Variants in DAAM1 observed in about 807,000 individuals in gnomAD.
DAAM1 encodes the protein disheveled-associated activator of morphogenesis 1.
In DAAM1, 52 loss-of-function variants were observed where a neutral mutation model predicts 130.0. The observed-to-expected ratio is 0.40, with a 90% CI of 0.32 to 0.50. The LOEUF (loss-of-function observed/expected upper bound fraction) is 0.50. Among genes scored for constraint, DAAM1 ranks in the 20% least tolerant of loss-of-function variants. The pLI is 0.61. For missense variants in DAAM1, 1,134 were observed against 1,303.8 expected, an observed-to-expected ratio of 0.87 and a Z score of 2.01; for synonymous variants, 452 against 444.5, an observed-to-expected ratio of 1.02 and a Z score of -0.21.
chr14:59,293,911 A>C (rs1174611933), intron 3 of DAAM1, among the ~76,000 whole-genome samples: 3 of 152,194 alleles, frequency 2.0e-5, no homozygotes, highest in African/African-American at 7.2e-5. Context: ...CATAGTGGCC[A>C]TCGTTAATAT....
chr14:59,351,997 GA>G (rs965949036), intron 17 of DAAM1, among the ~76,000 whole-genome samples: 348 of 150,536 alleles, frequency 2.3e-3, no homozygotes, highest in African/African-American at 7.6e-3. Flanking sequence ...CATGGAAGGG[GA>G]AAAAAAAAGA....
intron 22 of DAAM1, chr14:59,363,250 C>A (rs1212801448): frequency 1.1e-4 from 19 of 171,808 alleles, no homozygotes; most frequent in Non-Finnish European, 2.5e-5. Context: ...AAAATCAAGG[C>A]ACCACAATTC....
At chr14:59,245,601 T>A (rs549808652) in intron 1 of DAAM1, among the ~76,000 whole-genome samples, 3 of 152,144 alleles carry the variant, frequency 2.0e-5, no homozygotes, top group Admixed American at 2.0e-4. Context: ...GCAAAAAAAA[T>A]ACAATGGATT....
intron 2 of DAAM1, among the ~76,000 whole-genome samples, chr14:59,280,002 T>C (rs1460244323): frequency 6.6e-6 from 1 of 152,184 alleles, no homozygotes; most frequent in East Asian, 1.9e-4. Flanking sequence ...GCACCAGTTG[T>C]CATTAGGAAA....
chr14:59,354,705 C>T (rs773689849), intron 19 of DAAM1, among the ~76,000 whole-genome samples: 14 of 152,340 alleles, frequency 9.2e-5, no homozygotes, highest in South Asian at 6.2e-4. Flanking sequence ...AGGCTGGAAT[C>T]AGGCATCTGC....
rs1369200785 is a variant in DAAM1 at position 59,369,666 on chromosome 14, T to TAACA, written c.*809_*812dup. ...CAACATTGCCAGAGTATGCTTGTTCTAACAATATAGATATATAAACCTTAA... is the reference window on the plus strand; with the variant it reads ...CAACATTGCCAGAGTATGCTTGTTCTAACAAACAATATAGATATATAAACCTTAA... On this transcript the variant is annotated 3_prime_UTR_variant, in exon 25 of 25. Transcript: ENST00000360909. 6.9e-6 allele frequency: 1 copy of TAACA among 145,546 alleles called. No homozygotes were observed. Among genetic ancestry groups the TAACA allele is most frequent in the Admixed American group, 7.2e-5 (1 of 13,976 alleles). The allele number at this position is 145,546 out of a possible 1,614,324, so 9.0% of individuals were successfully genotyped here.
chr14:59,326,950 A>G lies in DAAM1; in HGVS notation c.1331A>G (p.Glu444Gly). Residue 444 changes from glutamate to glycine, a missense_variant, in exon 12 of 25, where the codon GAA becomes GGA. Transcript: ENST00000360909. ...TTACACAGGTTGGTTAATGAAAATGAAGTTAAGCAGTGGAAAGAACAAGCG... is the reference window on the plus strand; with the variant it reads ...TTACACAGGTTGGTTAATGAAAATGGAGTTAAGCAGTGGAAAGAACAAGCG... Reference protein sequence around the residue: ...NVVRMLVNENEVKQWKEQAEK... With the variant: ...NVVRMLVNENGVKQWKEQAEK... 1 of 1,614,052 alleles carries G rather than the reference A, an allele frequency of 6.2e-7. No individual in the cohort carries two copies. Among genetic ancestry groups the G allele is most frequent in the Non-Finnish European group, 8.5e-7 (1 of 1,179,954 alleles).
At chr14:59,350,408 TAC>T (rs920994773) in intron 17 of DAAM1, among the ~76,000 whole-genome samples, 3 of 151,754 alleles carry the variant, frequency 2.0e-5, no homozygotes, top group African/African-American at 7.3e-5. Flanking sequence ...CATACACACC[TAC>T]ACACAGTGTG....
At chr14:59,306,944 A>G (rs926589907) in intron 3 of DAAM1, among the ~76,000 whole-genome samples, 1 of 152,160 alleles carries the variant, frequency 6.6e-6, no homozygotes, top group African/African-American at 2.4e-5. Context: ...CTTGAGCAAG[A>G]GCTTTGGGCC....
intron 4 of DAAM1, among the ~76,000 whole-genome samples, chr14:59,318,419 T>C (rs1884874794): frequency 6.6e-6 from 1 of 150,920 alleles, no homozygotes; most frequent in Non-Finnish European, 1.5e-5. Flanking sequence ...TTTGCCTGCT[T>C]CTCATGTGAG....
At chr14:59,315,171 TC>T (rs1228624268) in intron 3 of DAAM1, 108 bp from the exon 4 acceptor site, 3 of 950,214 alleles carry the variant, frequency 3.2e-6, no homozygotes, top group Non-Finnish European at 5.2e-6. Context: ...CTTCGTGTCT[TC>T]TAAAGGCTTG....
At chr14:59,264,981 T>A (rs2139510177) in intron 2 of DAAM1, 1 of 152,370 alleles carries the variant, frequency 6.6e-6, no homozygotes, top group East Asian at 1.9e-4. Context: ...TCCATCCATG[T>A]TCCTGTAAAG....
intron 2 of DAAM1, among the ~76,000 whole-genome samples, chr14:59,271,279 T>C (rs983127107): frequency 3.3e-5 from 5 of 152,082 alleles, no homozygotes; most frequent in Admixed American, 3.3e-4. Flanking sequence ...AAACCACTAT[T>C]TATACTACCG....
In DAAM1 at chr14:59,369,627, C is replaced by CT. The variant is rs3842328; in HGVS notation, c.*775dup. The CT allele has an allele frequency of 6.6e-6, 1 of 151,844 alleles. No homozygotes were observed. The highest frequency in any genetic ancestry group is 1.5e-5 in the Non-Finnish European group (1 of 67,832). 9.4% of individuals were successfully genotyped at this position (151,844 alleles called of 1,614,324 possible). On this transcript the variant is annotated 3_prime_UTR_variant, in exon 25 of 25. Transcript: ENST00000360909. ...AAACACTATATAAATGCAATCCATG[C>CT]TTTTTTTAAAGAACAACATTGCCAG...
rs1885429225 is a variant in DAAM1 at position 59,331,347 on chromosome 14, C to T, written c.1699C>T (p.Pro567Ser). 1 of 1,611,896 alleles carries T rather than the reference C, an allele frequency of 6.2e-7. No individual in the cohort carries two copies. The highest frequency in any genetic ancestry group is 8.5e-7 in the Non-Finnish European group (1 of 1,179,418). ...LPGGMLPPPP[P>S]PLPPGGPPPP... ...AGGTGGGATGCTTCCCCCTCCACCGCCTCCCCTCCCTCCAGGTGGCCCTCC... is the reference window on the plus strand; with the variant it reads ...AGGTGGGATGCTTCCCCCTCCACCGTCTCCCCTCCCTCCAGGTGGCCCTCC... The change falls in exon 14 of 25, where the codon CCT (proline) becomes TCT (serine). Residue 567 changes from proline to serine, a missense_variant. Around this residue, in one of 3 missense-constraint regions of DAAM1, gnomAD observed 644 missense variants for 695.9 expected, o/e 0.93. Coordinates refer to ENST00000360909, the MANE Select transcript of DAAM1 (RefSeq NM_001270520.2).
chr14:59,299,791 C>G (rs1301278139), intron 3 of DAAM1: 1 of 152,114 alleles, frequency 6.6e-6, no homozygotes, highest in Non-Finnish European at 1.5e-5. Flanking sequence ...GGGTGGGACC[C>G]TGGACCTGAT....
chr14:59,305,574 C>T (rs941881), intron 3 of DAAM1, among the ~76,000 whole-genome samples: 149,834 of 152,300 alleles, frequency 0.98, 73,748 homozygotes, highest in East Asian at 1. Flanking sequence ...GCTGCTTTCT[C>T]AGATATACCA....
At chr14:59,362,022 T>TC (rs914494743) in intron 22 of DAAM1, among the ~76,000 whole-genome samples, 3 of 148,378 alleles carry the variant, frequency 2.0e-5, no homozygotes, top group African/African-American at 7.4e-5. Context: ...TTTTTTCCTT[T>TC]TTTTTTTTTT....
In DAAM1 at chr14:59,331,061, G is replaced by A. The variant is rs567865337; in HGVS notation, c.1561-148G>A. On this transcript the variant is annotated intron_variant, in intron 13 of 24. Coordinates refer to ENST00000360909, the MANE Select transcript of DAAM1 (RefSeq NM_001270520.2). The stretch of plus-strand genomic sequence containing the variant: ...CTGGAGTCCATAAAGGCCCAAAAGA[G>A]TCCATTCGACTTTACCGATCCTTTA... 10 of 1,370,410 alleles carry A rather than the reference G, an allele frequency of 7.3e-6. No homozygotes were observed. In the African/African-American group the frequency reaches 1.5e-4, roughly 20 times the overall value. 84.9% of individuals were successfully genotyped at this position (1,370,410 alleles called of 1,614,324 possible). A position where few individuals can be genotyped will look rare whatever the true frequency, so the allele number is the denominator to read the frequency against.
Sources: allele counts gnomAD v4.1 joint callset (sites outside exome capture counted in the v4.1 genomes callset), GRCh38; gene constraint gnomAD v4.1.1; regional missense constraint gnomAD v4.1.1; transcripts MANE v1.5; gene names NCBI Gene and HGNC (gene_info 2026-07-23, HGNC 2026-07-21).